FOLR2: variants seen among roughly 807,000 people sequenced by gnomAD.
The protein encoded by FOLR2 is folate receptor beta, also known as folate receptor 2 (fetal).
A neutral mutation model predicts 20.4 loss-of-function variants in FOLR2; 14 were observed. The ratio of observed to expected loss-of-function variants is 0.68; its 90% CI spans 0.45 to 1.07. The LOEUF is 1.07. Ranked by LOEUF, FOLR2 falls within the 50% of genes least tolerant of loss-of-function variation. FOLR2 has a pLI of 0.00. For missense variants in FOLR2, 269 were observed against 322.6 expected (o/e 0.83, Z 1.27); for synonymous variants, 114 against 114.3 (o/e 1.00, Z 0.02).
At position 72,221,716 on chromosome 11, in the gene FOLR2, T is replaced by C. The variant is rs776385982; in HGVS notation, c.722T>C (p.Leu241Pro). The stretch of plus-strand genomic sequence containing the variant: ...GAGATGCTTCATGGGACTGGGGGTC[T>C]CCTGCTCAGTCTGGCCCTGATGCTG... Reference protein sequence around the residue: ...AGEMLHGTGGLLLSLALMLQL... With the variant: ...AGEMLHGTGGPLLSLALMLQL... The change falls in exon 5 of 5, where the codon CTC becomes CCC. Residue 241 changes from leucine to proline, a missense_variant. Leu to Pro is a moderately conservative substitution (Grantham distance 98). Transcript: ENST00000298223. 6.2e-7 allele frequency: 1 copy of C among 1,614,042 alleles called. No homozygotes were observed. The highest frequency in any genetic ancestry group is 8.5e-7 in the Non-Finnish European group (1 of 1,179,900).
Position 72,218,448 on chromosome 11 carries a change from G to A in FOLR2, c.-24-113G>A, listed in dbSNP as rs1044199853. 6.6e-6 allele frequency: 6 copies of A among 903,810 alleles called. No homozygotes were observed. The African/African-American group carries it at 6.7e-5, about 10-fold the overall frequency. 56.0% of individuals were successfully genotyped at this position (903,810 alleles called of 1,614,324 possible). A position where few individuals can be genotyped will look rare whatever the true frequency, so the allele number is the denominator to read the frequency against. On this transcript the variant is annotated intron_variant, in intron 1 of 4. Transcript: ENST00000298223. ...GGAGCTTCAGGGCCCCAGCATTGAA[G>A]GAACAGGGTCTGACCTCATTTGCCA...
chr11:72,216,812 T>A lies in FOLR2; in HGVS notation c.-138T>A. On this transcript the variant is annotated 5_prime_UTR_variant, in exon 1 of 5. Transcript: ENST00000298223. ...GCTTACCAGAGCGCGTTGTCTACCCTGTACCGAAGACAGAGGCTGTGGGGA... is the reference window on the plus strand; with the variant it reads ...GCTTACCAGAGCGCGTTGTCTACCCAGTACCGAAGACAGAGGCTGTGGGGA... 1 of 1,372,928 alleles carries A rather than the reference T, an allele frequency of 7.3e-7. No individual in the cohort carries two copies. The highest frequency in any genetic ancestry group is 1.0e-6 in the Non-Finnish European group (1 of 976,716). The allele number at this position is 1,372,928 out of a possible 1,614,324, so 85.0% of individuals were successfully genotyped here. A position where few individuals can be genotyped will look rare whatever the true frequency, so the allele number is the denominator to read the frequency against.
intron 2 of FOLR2, among the ~76,000 whole-genome samples, chr11:72,219,267 A>G (rs1366896140): frequency 6.6e-6 from 1 of 152,192 alleles, no homozygotes; most frequent in Non-Finnish European, 1.5e-5. Context: ...AATTTGAGGC[A>G]CAGGGGCTGG....
In FOLR2 at chr11:72,216,908, G is replaced by A. The variant is rs1366841073; in HGVS notation, c.-42G>A. 5.0e-6 allele frequency: 8 copies of A among 1,599,478 alleles called. No individual in the cohort carries two copies. The highest frequency in any genetic ancestry group is 6.8e-6 in the Non-Finnish European group (8 of 1,179,818). Reference sequence around the variant, plus strand: ...TCAGACACAGCCGTGTATGCTCCCAGCAGCAACGGAGGTTCAGGCAAGATG... The same window carrying A: ...TCAGACACAGCCGTGTATGCTCCCAACAGCAACGGAGGTTCAGGCAAGATG... On this transcript the variant is annotated 5_prime_UTR_variant, in exon 1 of 5. Coordinates refer to ENST00000298223, the MANE Select transcript of FOLR2 (RefSeq NM_000803.5).
At chr11:72,219,940 G>A (rs1017563904) in intron 2 of FOLR2, among the ~76,000 whole-genome samples, 10 of 151,250 alleles carry the variant, frequency 6.6e-5, no homozygotes, top group African/African-American at 9.7e-5. Flanking sequence ...CTCCGCCTCC[G>A]GGGTTCTGGT....
intron 2 of FOLR2, 132 bp downstream of exon 2, chr11:72,218,866 G>C (rs1392396470): frequency 1.3e-6 from 1 of 762,716 alleles, no homozygotes; most frequent in African/African-American, 1.7e-5. Flanking sequence ...AGAAGATGAA[G>C]GTGGAGTAGG....
chr11:72,220,772 C>T, intron 2 of FOLR2, 98 bp from the exon 3 acceptor site: 2 of 1,495,516 alleles, frequency 1.3e-6, no homozygotes, highest in African/African-American at 1.4e-5. Context: ...GACAACCTGC[C>T]TAGGGCAGAG....
intron 2 of FOLR2, 60 bp from the exon 3 acceptor site, chr11:72,220,810 C>T (rs888101152): frequency 2.7e-5 from 44 of 1,600,882 alleles, no homozygotes; most frequent in Non-Finnish European, 3.4e-5. Context: ...GGGAGAGACA[C>T]GAGGTGGCAG....
At chr11:72,217,536 G>A in intron 1 of FOLR2, 2 of 514,210 alleles carry the variant, frequency 3.9e-6, no homozygotes, top group African/African-American at 2.0e-5. Flanking sequence ...TGGGGGTGGG[G>A]GCAAGGGCAG....
At chr11:72,219,793 C>T (rs1228683746) in intron 2 of FOLR2, among the ~76,000 whole-genome samples, 7 of 151,748 alleles carry the variant, frequency 4.6e-5, no homozygotes, top group Non-Finnish European at 4.4e-5. Context: ...CTTGTGAAAA[C>T]ATGATGTGCC....
At chr11:72,220,238 CAAG>C (rs1948461280) in intron 2 of FOLR2, among the ~76,000 whole-genome samples, 1 of 152,182 alleles carries the variant, frequency 6.6e-6, no homozygotes, top group Non-Finnish European at 1.5e-5. Context: ...TACTACATGC[CAAG>C]AAGAATAAAT....
intron 1 of FOLR2, chr11:72,217,305 G>C (rs190234044): frequency 2.0e-4 from 238 of 1,180,256 alleles, no homozygotes; most frequent in Admixed American, 4.4e-4. Context: ...TTACAGGCGT[G>C]AGCCACTGTG....
intron 1 of FOLR2, among the ~76,000 whole-genome samples, chr11:72,217,963 T>A (rs1948419952): frequency 1.3e-5 from 2 of 152,070 alleles, no homozygotes; most frequent in Non-Finnish European, 2.9e-5. Flanking sequence ...TTTCAGAGAA[T>A]AGGGAAGGAA....
At position 72,221,319 on chromosome 11, in the gene FOLR2, T is replaced by C; in HGVS notation, c.475+8T>C. The C allele has an allele frequency of 6.2e-7, 1 of 1,612,078 alleles. No homozygotes were observed. The highest frequency in any genetic ancestry group is 8.5e-7 in the Non-Finnish European group (1 of 1,178,812). On this transcript the variant is annotated splice_region_variant and intron_variant, in intron 4 of 4. Coordinates refer to ENST00000298223, the MANE Select transcript of FOLR2 (RefSeq NM_000803.5). Reference sequence around the variant, plus strand: ...GATGGGACTGGACCTCAGGTGAGGGTGATTGAGTTGGGGTTAGGAAAAAGG... The same window carrying C: ...GATGGGACTGGACCTCAGGTGAGGGCGATTGAGTTGGGGTTAGGAAAAAGG...
Position 72,221,062 on chromosome 11 carries a change from G to A in FOLR2, c.339+4G>A. ...CCTGGGGCCCTGGATCCAGCAGGTAGGGTGTCTCCCCCCCACCCACCCCAG... is the reference window on the plus strand; with the variant it reads ...CCTGGGGCCCTGGATCCAGCAGGTAAGGTGTCTCCCCCCCACCCACCCCAG... On this transcript the variant is annotated splice_donor_region_variant and intron_variant, in intron 3 of 4. Transcript: ENST00000298223. The A allele has an allele frequency of 1.2e-6, 2 of 1,604,620 alleles. No homozygotes were observed. Among genetic ancestry groups the A allele is most frequent in the Non-Finnish European group, 1.7e-6 (2 of 1,175,980 alleles).
Position 72,221,597 on chromosome 11 carries a change from C to A in FOLR2, c.603C>A (p.Gly201=). Reference sequence around the variant, plus strand: ...TCAGCAACTACAGCCGAGGGAGCGGCCGCTGCATCCAGATGTGGTTTGATT... The same window carrying A: ...TCAGCAACTACAGCCGAGGGAGCGGACGCTGCATCCAGATGTGGTTTGATT... ...YKVSNYSRGS[G]RCIQMWFDSA... is the part of the protein sequence containing the mutation. The change falls in exon 5 of 5, where the codon GGC becomes GGA. Residue 201 remains glycine (G), a synonymous_variant. Transcript: ENST00000298223. 6.2e-7 allele frequency: 1 copy of A among 1,614,202 alleles called. No homozygotes were observed. The highest frequency in any genetic ancestry group is 1.3e-5 in the African/African-American group (1 of 75,054).
chr11:72,219,039 C>T (rs1205953212), intron 2 of FOLR2, among the ~76,000 whole-genome samples: 1 of 152,202 alleles, frequency 6.6e-6, no homozygotes, highest in Non-Finnish European at 1.5e-5. Flanking sequence ...ATGATATTCT[C>T]CACATTACAC....
chr11:72,221,041 G>C lies in FOLR2; in HGVS notation c.322G>C (p.Gly108Arg). ...TCTCTATGAGTGCTCACCCAACCTG[G>C]GGCCCTGGATCCAGCAGGTAGGGTG... is the stretch of plus-strand genomic sequence containing the variant. ...TCLYECSPNLGPWIQQVNQSW... is the reference protein window; with the variant it reads ...TCLYECSPNLRPWIQQVNQSW... Residue 108 changes from glycine (G) to arginine (R), a missense_variant, in exon 3 of 5, where the codon GGG becomes CGG. Physicochemically the swap from Gly to Arg is moderately radical, Grantham distance 125 (BLOSUM62 -2). Coordinates refer to ENST00000298223, the MANE Select transcript of FOLR2 (RefSeq NM_000803.5). 6.2e-7 allele frequency: 1 copy of C among 1,613,422 alleles called. No individual in the cohort carries two copies. The highest frequency in any genetic ancestry group is 8.5e-7 in the Non-Finnish European group (1 of 1,179,798).
At chr11:72,217,331 C>A (rs1266206018) in intron 1 of FOLR2, 1 of 1,285,698 alleles carries the variant, frequency 7.8e-7, no homozygotes, top group East Asian at 5.5e-5. Flanking sequence ...CCACATCTTT[C>A]TTTAGAAAGA....
Sources: gnomAD v4.1 joint callset for allele counts (sites outside exome capture counted in the v4.1 genomes callset) on GRCh38, gnomAD v4.1.1 for gene constraint, MANE v1.5 for transcripts, NCBI Gene and HGNC (gene_info 2026-07-23, HGNC 2026-07-21) for gene names.